Variants in ITGAV observed in about 807,000 individuals in gnomAD.
The protein encoded by ITGAV is integrin subunit alpha V.
ITGAV carries 76 observed loss-of-function variants against 143.8 expected under a neutral mutation model. The ratio of observed to expected loss-of-function variants is 0.53; its 90% CI spans 0.44 to 0.64. The LOEUF (loss-of-function observed/expected upper bound fraction) is 0.64. Among genes scored for constraint, ITGAV ranks in the 30% least tolerant of loss-of-function variants. ITGAV has a pLI of 0.00. For synonymous variants in ITGAV, 453 were observed against 446.7 expected, an observed-to-expected ratio of 1.01 and a Z score of -0.18; for missense variants, 1,193 against 1,274.7, an observed-to-expected ratio of 0.94 and a Z score of 0.98.
intron 13 of ITGAV, among the ~76,000 whole-genome samples, chr2:186,647,272 A>G (rs994573519): frequency 5.5e-5 from 8 of 145,400 alleles, no homozygotes; most frequent in African/African-American, 1.3e-4. Flanking sequence ...GTATGTCTCT[A>G]TTGCCCAGGC....
intron 10 of ITGAV, among the ~76,000 whole-genome samples, 166 bp downstream of exon 10, chr2:186,638,631 C>CATGTGT (rs1481672332): frequency 2.1e-5 from 3 of 144,694 alleles, no homozygotes; most frequent in African/African-American, 5.1e-5. Context: ...CTCTTTTGAG[C>CATGTGT]GTGTGTGTGT....
At position 186,602,141 on chromosome 2, in the gene ITGAV, T is replaced by C. The variant is rs1197581256; in HGVS notation, c.306T>C (p.Phe102=). 3.1e-6 allele frequency: 5 copies of C among 1,606,308 alleles called. No homozygotes were observed. The African/African-American group carries it at 6.7e-5, about 22-fold the overall frequency. Residue 102 remains phenylalanine, a synonymous_variant, in exon 2 of 30, where the codon TTT becomes TTC. Transcript: ENST00000261023. ...CCCGCCGGTGCCAGCCAATTGAATT[T>C]GATGCAACAGGTAAATTTTGATGCA... is the stretch of plus-strand genomic sequence containing the variant. ...SSTRRCQPIE[F]DATGNRDYAK...
At position 186,609,793 on chromosome 2, in the gene ITGAV, C is replaced by CATAT. The variant is rs34432414; in HGVS notation, c.316+7651_316+7654dup. Among the ~76,000 whole-genome samples the CATAT allele has an allele frequency of 3.3e-4, 49 of 150,504 alleles. No individual in the cohort carries two copies. The South Asian group carries it at 4.6e-3, about 14-fold the overall frequency. ...TAATCAAGTAATTCCATGTGCCCTA[C>CATAT]ATATATATATATGTATGTGGGCATA... On this transcript the variant is annotated intron_variant, in intron 2 of 29. Coordinates refer to ENST00000261023, the MANE Select transcript of ITGAV (RefSeq NM_002210.5).
At chr2:186,616,160 A>G (rs1414373093) in intron 2 of ITGAV, among the ~76,000 whole-genome samples, 2 of 152,174 alleles carry the variant, frequency 1.3e-5, no homozygotes, top group Non-Finnish European at 2.9e-5. Context: ...GTACTACTAA[A>G]AATACTAAAA....
intron 24 of ITGAV, 71 bp downstream of exon 24, chr2:186,667,847 T>C: frequency 1.3e-6 from 1 of 766,240 alleles, no homozygotes. Context: ...TAAGCTACTT[T>C]AAAAAAAAAA....
At chr2:186,600,869 GA>G (rs1574459714) in intron 1 of ITGAV, among the ~76,000 whole-genome samples, 2 of 151,860 alleles carry the variant, frequency 1.3e-5, no homozygotes, top group African/African-American at 2.4e-5. Flanking sequence ...TGAGGCAGGA[GA>G]ATCGCTTGAA....
At position 186,668,834 on chromosome 2, in the gene ITGAV, A is replaced by G. The variant is rs199591827; in HGVS notation, c.2506A>G (p.Asn836Asp). Residue 836 changes from asparagine (N) to aspartate (D), a missense_variant, in exon 25 of 30, where the codon AAC becomes GAC. Transcript: ENST00000261023. ...HLQWPYKYNN[N>D]TLLYILHYDI... Reference sequence around the variant, plus strand: ...TCAGTGGCCTTACAAATATAATAATAACACTCTGTTGTATATCCTTCATTA... The same window carrying G: ...TCAGTGGCCTTACAAATATAATAATGACACTCTGTTGTATATCCTTCATTA... The G allele has an allele frequency of 2.5e-6, 4 of 1,613,034 alleles. No individual in the cohort carries two copies. The highest frequency in any genetic ancestry group is 1.6e-4 in the Middle Eastern group (1 of 6,080).
rs1686927161 is a variant in ITGAV at position 186,602,159 on chromosome 2, T to G, written c.316+8T>G. On this transcript the variant is annotated splice_region_variant and intron_variant, in intron 2 of 29. Transcript: ENST00000261023. ...TTGAATTTGATGCAACAGGTAAATT[T>G]TGATGCACAATTTTCTTTTCATTGA... 5 of 1,599,386 alleles carry G rather than the reference T, an allele frequency of 3.1e-6. No homozygotes were observed. The South Asian group carries it at 5.8e-5, about 19-fold the overall frequency.
At chr2:186,647,238 ATTT>A (rs71017334) in intron 13 of ITGAV, among the ~76,000 whole-genome samples, 3 of 146,296 alleles carry the variant, frequency 2.1e-5, no homozygotes, top group Non-Finnish European at 4.5e-5. Flanking sequence ...AATAGTTGTG[ATTT>A]TTTTTTTTTT....
chr2:186,667,475 G>T (rs762346171), intron 23 of ITGAV, among the ~76,000 whole-genome samples, 196 bp from the exon 24 acceptor site: 25 of 152,262 alleles, frequency 1.6e-4, no homozygotes, highest in Non-Finnish European at 2.9e-4. Context: ...TACACAAATT[G>T]TCAATTCACC....
chr2:186,600,907 C>A (rs1254556883), intron 1 of ITGAV, among the ~76,000 whole-genome samples: 1 of 149,372 alleles, frequency 6.7e-6, no homozygotes, highest in African/African-American at 2.5e-5. Flanking sequence ...TACAGTGAGC[C>A]AAGATCATGC....
At chr2:186,668,575 G>A in intron 24 of ITGAV, 187 bp from the exon 25 acceptor site, 2 of 559,336 alleles carry the variant, frequency 3.6e-6, no homozygotes, top group South Asian at 2.1e-5. Flanking sequence ...ATTACTCTGT[G>A]TTAGAGACAA....
intron 26 of ITGAV, among the ~76,000 whole-genome samples, chr2:186,672,215 G>A (rs1689086720): frequency 6.6e-6 from 1 of 152,096 alleles, no homozygotes; most frequent in Non-Finnish European, 1.5e-5. Context: ...CTCCCAAAGT[G>A]TTGGGATTAC....
At chr2:186,627,662 C>T (rs1687709597) in intron 4 of ITGAV, among the ~76,000 whole-genome samples, 1 of 152,126 alleles carries the variant, frequency 6.6e-6, no homozygotes, top group Admixed American at 6.6e-5. Flanking sequence ...TATTGGAATA[C>T]AGCCACACCC....
chr2:186,635,947 G>T, intron 6 of ITGAV, 135 bp from the exon 7 acceptor site: 1 of 623,528 alleles, frequency 1.6e-6, no homozygotes, highest in Non-Finnish European at 2.6e-6. Context: ...GTATGATCAA[G>T]GAGAGTTATG....
chr2:186,654,686 A>AG lies in ITGAV; in HGVS notation c.1544dup (p.Val516SerfsTer7). On this transcript the variant is annotated frameshift_variant, in exon 16 of 30. Transcript: ENST00000261023. LOFTEE classifies it high-confidence loss of function. ...GGTTCTGCTTAAAGGCAGATGGCAA[A>AG]GGAGTACTTCCCAGGAAACTTAGTA... 6.4e-7 allele frequency: 1 copy of AG among 1,555,554 alleles called. No homozygotes were observed. The highest frequency in any genetic ancestry group is 8.8e-7 in the Non-Finnish European group (1 of 1,130,264).
intron 1 of ITGAV, 134 bp from the exon 2 acceptor site, chr2:186,601,887 C>T: frequency 2.7e-6 from 2 of 752,990 alleles, no homozygotes; most frequent in East Asian, 2.8e-5. Context: ...GAAGATTATG[C>T]CCTCAGTGAA....
intron 2 of ITGAV, among the ~76,000 whole-genome samples, chr2:186,617,771 T>C (rs897242065): frequency 6.6e-6 from 1 of 152,096 alleles, no homozygotes; most frequent in Non-Finnish European, 1.5e-5. Context: ...TGAGATACTC[T>C]TTTTTTCTTT....
At chr2:186,598,292 T>TACACACACAC (rs762146049) in intron 1 of ITGAV, among the ~76,000 whole-genome samples, 2 of 43,744 alleles carry the variant, frequency 4.6e-5, no homozygotes, top group African/African-American at 1.3e-4. Context: ...TATTATAATT[T>TACACACACAC]ATACACACAC....
Sources: allele counts gnomAD v4.1 joint callset (sites outside exome capture counted in the v4.1 genomes callset), GRCh38; gene constraint gnomAD v4.1.1; transcripts MANE v1.5; gene names NCBI Gene and HGNC (gene_info 2026-07-23, HGNC 2026-07-21).